Variants in TRAPPC13 observed in about 807,000 individuals in gnomAD.
TRAPPC13 encodes trafficking protein particle complex subunit 13.
Under a neutral mutation model 54.0 loss-of-function variants are expected in TRAPPC13, and 39 were observed. The observed-to-expected ratio is 0.72, with a 90% CI of 0.56 to 0.94. TRAPPC13 has a LOEUF of 0.94. Ranked by LOEUF, TRAPPC13 falls within the 40% of genes least tolerant of loss-of-function variation. The pLI is 0.00. For synonymous variants in TRAPPC13, 148 were observed against 167.7 expected (o/e 0.88, Z 0.91); for missense variants, 386 against 488.1 (o/e 0.79, Z 1.97).
chr5:65,629,675 T>C (rs1430754938), intron 1 of TRAPPC13: 15 of 1,536,080 alleles, frequency 9.8e-6, no homozygotes, highest in South Asian at 1.2e-5. Flanking sequence ...AATTCAAGAC[T>C]TTCCTACTCG....
chr5:65,661,996 A>T (rs1401620781), intron 10 of TRAPPC13, 54 bp from the exon 11 acceptor site: 1 of 1,377,410 alleles, frequency 7.3e-7, no homozygotes, highest in African/African-American at 1.5e-5. Context: ...GCCTTCATTA[A>T]AATGGAAAGG....
chr5:65,631,592 G>C (rs1755544834), intron 1 of TRAPPC13, among the ~76,000 whole-genome samples: 1 of 152,074 alleles, frequency 6.6e-6, no homozygotes, highest in South Asian at 2.1e-4. Context: ...TATACTCATT[G>C]TTTATCTCTC....
intron 8 of TRAPPC13, among the ~76,000 whole-genome samples, chr5:65,656,320 C>G (rs1190065614): frequency 6.6e-6 from 1 of 152,090 alleles, no homozygotes; most frequent in Admixed American, 6.6e-5. Context: ...TTTATCTAAG[C>G]TCTTCCTAAA....
At chr5:65,643,149 TA>T (rs1292477837) in intron 4 of TRAPPC13, among the ~76,000 whole-genome samples, 2 of 152,096 alleles carry the variant, frequency 1.3e-5, no homozygotes, top group African/African-American at 4.8e-5. Flanking sequence ...AAAAGCTTTT[TA>T]GGGGGAAAGG....
At chr5:65,632,674 TAGAG>T (rs1166053238) in intron 1 of TRAPPC13, among the ~76,000 whole-genome samples, 4 of 152,212 alleles carry the variant, frequency 2.6e-5, no homozygotes, top group Non-Finnish European at 5.9e-5. Flanking sequence ...AATACCAACT[TAGAG>T]AGTACTCATG....
chr5:65,635,503 T>C, intron 2 of TRAPPC13, 134 bp downstream of exon 2: 1 of 721,864 alleles, frequency 1.4e-6, no homozygotes, highest in South Asian at 2.0e-5. Flanking sequence ...CCTATTTTTG[T>C]ATCATGTGAA....
intron 4 of TRAPPC13, among the ~76,000 whole-genome samples, chr5:65,639,544 C>T (rs1268052495): frequency 6.6e-6 from 1 of 152,124 alleles, no homozygotes; most frequent in African/African-American, 2.4e-5. Flanking sequence ...ACCTGTAGTC[C>T]CAGCTACTCA....
At chr5:65,651,842 G>GTTTTGTTTTTTT (rs1756457405) in intron 6 of TRAPPC13, among the ~76,000 whole-genome samples, 1 of 41,136 alleles carries the variant, frequency 2.4e-5, no homozygotes, top group African/African-American at 9.3e-5. Context: ...ACGTGATTCA[G>GTTTTGTTTTTTT]TTTTTTTTTT....
In TRAPPC13 at chr5:65,647,202, G is replaced by C. The variant is rs1756248554; in HGVS notation, c.428+20G>C. 6.4e-7 allele frequency: 1 copy of C among 1,555,284 alleles called. No homozygotes were observed. The highest frequency in any genetic ancestry group is 1.2e-5 in the South Asian group (1 of 81,504). ...ACACATGTAAGGATTAATTTTATTA[G>C]TTCTCAAAGGTTTTTACTTATATAT... is the stretch of plus-strand genomic sequence containing the variant. On this transcript the variant is annotated intron_variant, in intron 5 of 12. Coordinates refer to ENST00000399438, the MANE Select transcript of TRAPPC13 (RefSeq NM_024941.4).
intron 1 of TRAPPC13, among the ~76,000 whole-genome samples, chr5:65,634,709 G>C (rs140364906): frequency 0.018 from 2,754 of 150,524 alleles, 67 homozygotes; most frequent in African/African-American, 0.056. Flanking sequence ...TGGCCAACAT[G>C]GTGAAACCCC....
intron 9 of TRAPPC13, 78 bp downstream of exon 9, chr5:65,658,579 GGTTT>G (rs2150690615): frequency 7.8e-7 from 1 of 1,277,658 alleles, no homozygotes; most frequent in East Asian, 2.9e-5. Flanking sequence ...CTCTTCAGTG[GGTTT>G]TTTTTTAATA....
chr5:65,628,692 A>G (rs7736682), intron 1 of TRAPPC13, among the ~76,000 whole-genome samples: 20,261 of 151,648 alleles, frequency 0.13, 1,852 homozygotes, highest in African/African-American at 0.26. Flanking sequence ...GGCTGGTCTC[A>G]AGCTCCTGAC....
At chr5:65,645,214 A>AAAAAAAT (rs1756139932) in intron 4 of TRAPPC13, among the ~76,000 whole-genome samples, 2 of 151,634 alleles carry the variant, frequency 1.3e-5, no homozygotes, top group Admixed American at 6.6e-5. Flanking sequence ...AAAAAAAAAA[A>AAAAAAAT]GAATTTTGAA....
At chr5:65,632,122 A>G (rs1171996039) in intron 1 of TRAPPC13, among the ~76,000 whole-genome samples, 1 of 148,454 alleles carries the variant, frequency 6.7e-6, no homozygotes, top group Non-Finnish European at 1.5e-5. Context: ...GGCATGCGAC[A>G]GTAGTCGCAG....
At chr5:65,639,150 C>T (rs578000630) in intron 4 of TRAPPC13, among the ~76,000 whole-genome samples, 4 of 152,118 alleles carry the variant, frequency 2.6e-5, no homozygotes, top group Admixed American at 2.0e-4. Context: ...GAGAACAGCA[C>T]AGGAAAGACC....
intron 10 of TRAPPC13, chr5:65,661,437 A>G (rs1031050646): frequency 1.3e-5 from 2 of 152,220 alleles, no homozygotes; most frequent in Admixed American, 6.6e-5. Context: ...ATACGACAGG[A>G]TTCTCCTCCC....
intron 1 of TRAPPC13, among the ~76,000 whole-genome samples, chr5:65,633,062 A>G (rs917084428): frequency 6.6e-6 from 1 of 152,230 alleles, no homozygotes; most frequent in Admixed American, 6.5e-5. Context: ...GATAAATACA[A>G]GGTACCATGA....
At chr5:65,658,667 T>G (rs564319255) in intron 9 of TRAPPC13, among the ~76,000 whole-genome samples, 166 bp downstream of exon 9, 48 of 151,868 alleles carry the variant, frequency 3.2e-4, no homozygotes, top group African/African-American at 1.1e-3. Context: ...CCTCTTCCAC[T>G]CCTCACAGTT....
At chr5:65,658,705 A>T (rs202127914) in intron 9 of TRAPPC13, among the ~76,000 whole-genome samples, 1 of 145,754 alleles carries the variant, frequency 6.9e-6, no homozygotes, top group African/African-American at 2.5e-5. Flanking sequence ...CTTGTTTTTT[A>T]TTTTATTTTT....
Sources: allele counts gnomAD v4.1 joint callset (sites outside exome capture counted in the v4.1 genomes callset), GRCh38; gene constraint gnomAD v4.1.1; transcripts MANE v1.5; gene names NCBI Gene and HGNC (gene_info 2026-07-23, HGNC 2026-07-21).